Variants in MAPK10 observed in about 807,000 individuals in gnomAD.
MAPK10 encodes mitogen-activated protein kinase 10, also known as JNK3 alpha protein kinase.
Under a neutral mutation model 59.3 loss-of-function variants are expected in MAPK10, and 25 were observed. That is an observed-to-expected ratio of 0.42 (90% CI 0.31 to 0.59). MAPK10 has a LOEUF of 0.59. Ranked by LOEUF, MAPK10 falls within the 20% of genes least tolerant of loss-of-function variation. The pLI is 0.15. For missense variants in MAPK10, 351 were observed against 568.9 expected, an observed-to-expected ratio of 0.62 and a Z score of 3.90; for synonymous variants, 190 against 200.5, an observed-to-expected ratio of 0.95 and a Z score of 0.44.
At position 86,076,313 on chromosome 4, in the gene MAPK10, C is replaced by A. The variant is rs1014093248; in HGVS notation, c.803-8358G>T. Among the ~76,000 whole-genome samples, 3 of 152,152 alleles carry A rather than the reference C, an allele frequency of 2.0e-5. No homozygotes were observed. In the East Asian group the frequency reaches 5.8e-4, roughly 29 times the overall value. On this transcript the variant is annotated intron_variant, in intron 9 of 13. Coordinates refer to ENST00000641462, the MANE Select transcript of MAPK10 (RefSeq NM_138982.4). ...CTGTCTGGCACTCCCTAGTGAGATGCACCCGGTACCTCAGATGGAAATGCA... is the reference window on the plus strand; with the variant it reads ...CTGTCTGGCACTCCCTAGTGAGATGAACCCGGTACCTCAGATGGAAATGCA...
At chr4:86,496,747 C>T (rs1017615551) in intron 1 of MAPK10, among the ~76,000 whole-genome samples, 7 of 152,082 alleles carry the variant, frequency 4.6e-5, no homozygotes, top group African/African-American at 7.2e-5. Flanking sequence ...TTCTATTTTC[C>T]GATGACAATT....
Position 86,102,005 on chromosome 4 carries a change from G to A in MAPK10, c.453C>T (p.Ala151=). 2 of 1,613,906 alleles carry A rather than the reference G, an allele frequency of 1.2e-6. No individual in the cohort carries two copies. The highest frequency in any genetic ancestry group is 8.5e-7 in the Non-Finnish European group (1 of 1,179,846). The change falls in exon 7 of 14, where the codon GCC becomes GCT. Residue 151 remains alanine (A), a synonymous_variant. Transcript: ENST00000641462. Reference sequence around the variant, plus strand: ...CCATCTGAATCACTTGACATAAGTTGGCATCCATCAGTTCCATTACTAAGT... The same window carrying A: ...CCATCTGAATCACTTGACATAAGTTAGCATCCATCAGTTCCATTACTAAGT... The part of the protein sequence containing the change: ...DVYLVMELMD[A]NLCQVIQMEL...
At chr4:86,261,816 C>G (rs1005021427) in intron 2 of MAPK10, among the ~76,000 whole-genome samples, 3 of 152,198 alleles carry the variant, frequency 2.0e-5, no homozygotes, top group African/African-American at 7.2e-5. Flanking sequence ...CACAGCTGCT[C>G]TGAGAATCAT....
At chr4:86,035,803 A>C (rs2148927972) in intron 11 of MAPK10, among the ~76,000 whole-genome samples, 1 of 152,256 alleles carries the variant, frequency 6.6e-6, no homozygotes, top group South Asian at 2.1e-4. Flanking sequence ...AGGTGAGCCT[A>C]AGTGTTATGT....
chr4:86,448,233 C>T (rs959068028), intron 1 of MAPK10, among the ~76,000 whole-genome samples: 6 of 152,076 alleles, frequency 3.9e-5, no homozygotes, highest in Non-Finnish European at 7.4e-5. Flanking sequence ...TAGTACCACA[C>T]TTTTAATTAA....
At chr4:86,091,971 C>T (rs1655816898) in intron 9 of MAPK10, among the ~76,000 whole-genome samples, 1 of 152,010 alleles carries the variant, frequency 6.6e-6, no homozygotes, top group Non-Finnish European at 1.5e-5. Context: ...CATGCCTGGC[C>T]CAGTTGTTGA....
In MAPK10 at chr4:86,010,459, A is replaced by G. The variant is rs1424538094; in HGVS notation, c.*6769T>C. On this transcript the variant is annotated 3_prime_UTR_variant, in exon 14 of 14. Coordinates refer to ENST00000641462, the MANE Select transcript of MAPK10 (RefSeq NM_138982.4). ...AATTTTTTAGGTTAAGGACCATGCAATATATATCTCCTACACCGAAGTGTC... is the reference window on the plus strand; with the variant it reads ...AATTTTTTAGGTTAAGGACCATGCAGTATATATCTCCTACACCGAAGTGTC... The G allele has an allele frequency of 2.6e-5, 4 of 152,184 alleles. No homozygotes were observed. The highest frequency in any genetic ancestry group is 5.9e-5 in the Non-Finnish European group (4 of 68,026). 9.4% of individuals were successfully genotyped at this position (152,184 alleles called of 1,614,324 possible).
intron 2 of MAPK10, among the ~76,000 whole-genome samples, chr4:86,340,071 G>A (rs1454454680): frequency 6.6e-6 from 1 of 152,140 alleles, no homozygotes; most frequent in African/African-American, 2.4e-5. Context: ...ATTTCAAGTA[G>A]GTAATGATAC....
chr4:86,159,253 C>T, intron 4 of MAPK10, 45 bp downstream of exon 4: 1 of 1,461,722 alleles, frequency 6.8e-7, no homozygotes. Flanking sequence ...AGTAGTTGCA[C>T]ACGGTGTGTT....
intron 1 of MAPK10, among the ~76,000 whole-genome samples, chr4:86,441,071 T>A (rs1422483915): frequency 6.6e-6 from 1 of 152,072 alleles, no homozygotes; most frequent in Non-Finnish European, 1.5e-5. Context: ...AGATTTCAGA[T>A]TCATATAAAA....
chr4:86,417,329 A>G (rs559078195), intron 1 of MAPK10, among the ~76,000 whole-genome samples: 45 of 152,242 alleles, frequency 3.0e-4, no homozygotes, highest in Non-Finnish European at 4.6e-4. Context: ...TTTTATTGAT[A>G]TTGTTTATTT....
At position 86,372,414 on chromosome 4, in the gene MAPK10, G is replaced by A. The variant is rs191702945; in HGVS notation, c.-121-17770C>T. Among the ~76,000 whole-genome samples the A allele has an allele frequency of 6.2e-3, 936 of 151,982 alleles. 7 individuals are homozygous for A. Among genetic ancestry groups the A allele is most frequent in the African/African-American group, 0.02 (837 of 41,386 alleles). On this transcript the variant is annotated intron_variant, in intron 1 of 13. Coordinates refer to the MAPK10 transcript ENST00000361569. ...TGCCTGTAAACCCAGCTACTTGGGA[G>A]GCTGAGGCAGAGGAATCTCTTGAAC...
At chr4:86,393,873 G>C (rs983777813) in intron 1 of MAPK10, among the ~76,000 whole-genome samples, 2 of 152,092 alleles carry the variant, frequency 1.3e-5, no homozygotes, top group Non-Finnish European at 2.9e-5. Context: ...AATCACATAA[G>C]GTGAAGTACC....
intron 1 of MAPK10, among the ~76,000 whole-genome samples, chr4:86,524,135 C>G (rs1247741462): frequency 2.0e-5 from 3 of 152,176 alleles, no homozygotes; most frequent in African/African-American, 7.2e-5. Flanking sequence ...CACCTTCCAC[C>G]ATGAAGTAGA....
intron 9 of MAPK10, among the ~76,000 whole-genome samples, chr4:86,072,428 T>A (rs372710235): frequency 7.0e-6 from 1 of 143,326 alleles, no homozygotes; most frequent in Non-Finnish European, 1.5e-5. Flanking sequence ...TCCAACACTA[T>A]GTTGAATAGG....
At chr4:86,473,829 A>G (rs1752850163) in intron 1 of MAPK10, among the ~76,000 whole-genome samples, 1 of 152,176 alleles carries the variant, frequency 6.6e-6, no homozygotes, top group Non-Finnish European at 1.5e-5. Flanking sequence ...AGGTGATTCC[A>G]GCAGCCAGCA....
intron 2 of MAPK10, among the ~76,000 whole-genome samples, chr4:86,269,406 T>A (rs1295396871): frequency 1.3e-5 from 2 of 152,130 alleles, no homozygotes; most frequent in Non-Finnish European, 2.9e-5. Flanking sequence ...TCTTCTAAAA[T>A]CTTCCCTTTT....
intron 2 of MAPK10, among the ~76,000 whole-genome samples, chr4:86,246,293 T>C (rs550412074): frequency 3.2e-4 from 48 of 152,060 alleles, no homozygotes; most frequent in African/African-American, 1.1e-3. Context: ...TAGCCAGGCA[T>C]GGTGGTGGGT....
chr4:86,476,224 C>T (rs1415199377), intron 1 of MAPK10, among the ~76,000 whole-genome samples: 6 of 152,074 alleles, frequency 3.9e-5, no homozygotes, highest in Admixed American at 1.3e-4. Context: ...TCTGACCTCT[C>T]TGCTCCTCAC....
Sources: allele counts gnomAD v4.1 joint callset (sites outside exome capture counted in the v4.1 genomes callset), GRCh38; gene constraint gnomAD v4.1.1; transcripts MANE v1.5; gene names NCBI Gene and HGNC (gene_info 2026-07-23, HGNC 2026-07-21).